The following CFAP54 variants were observed in gnomAD, a reference collection of about 807,000 sequenced individuals.
CFAP54 encodes the protein cilia- and flagella-associated protein 54.
CFAP54 carries 290 observed loss-of-function variants against 370.4 expected under a neutral mutation model. The observed-to-expected ratio is 0.78, with a 90% CI of 0.71 to 0.86. The LOEUF (loss-of-function observed/expected upper bound fraction) is 0.86. CFAP54 is among the 40% of genes least tolerant of loss of function. CFAP54 has a pLI of 0.00. For synonymous variants in CFAP54, 1,206 were observed against 1,236.5 expected (o/e 0.98, Z 0.52); for missense variants, 3,399 against 3,528.7 (o/e 0.96, Z 0.93).
intron 65 of CFAP54, among the ~76,000 whole-genome samples, chr12:96,819,459 G>T (rs757329197): frequency 6.6e-6 from 1 of 152,184 alleles, no homozygotes; most frequent in Non-Finnish European, 1.5e-5. Flanking sequence ...CATGCTGAAA[G>T]CCAGAAATTA....
Position 96,658,069 on chromosome 12 carries a change from T to A in CFAP54, c.5288T>A (p.Leu1763Gln). The A allele has an allele frequency of 6.2e-7, 1 of 1,613,872 alleles. No individual in the cohort carries two copies. Among genetic ancestry groups the A allele is most frequent in the Non-Finnish European group, 8.5e-7 (1 of 1,179,824 alleles). The change falls in exon 37 of 68, where the codon CTA becomes CAA. Residue 1763 changes from leucine to glutamine, a missense_variant. Physicochemically the swap from Leu to Gln is moderately radical, Grantham distance 113 (BLOSUM62 -2). Around this residue, in one of 3 missense-constraint regions of CFAP54, gnomAD observed 2,796 missense variants for 2,869.7 expected, o/e 0.97. Transcript: ENST00000524981. ...VLYQVEKWET[L>Q]VSLAIQFNTV... is the part of the protein sequence containing the mutation. Reference sequence around the variant, plus strand: ...TATCAAGTGGAAAAATGGGAAACACTAGTATCTCTTGCCATTCAGTTCAAT... The same window carrying A: ...TATCAAGTGGAAAAATGGGAAACACAAGTATCTCTTGCCATTCAGTTCAAT...
intron 65 of CFAP54, among the ~76,000 whole-genome samples, chr12:96,827,632 A>AGTGTGCAATTAT (rs761805125): frequency 7.7e-6 from 1 of 130,120 alleles, no homozygotes; most frequent in Non-Finnish European, 1.6e-5. Context: ...GATTATATAT[A>AGTGTGCAATTAT]ATGTGTAATA....
At chr12:96,634,551 C>T (rs932571634) in intron 32 of CFAP54, among the ~76,000 whole-genome samples, 2 of 152,124 alleles carry the variant, frequency 1.3e-5, no homozygotes, top group Non-Finnish European at 2.9e-5. Context: ...GGCTTGTCTT[C>T]TCATCCTCTT....
chr12:96,830,157 A>G (rs963054504), intron 66 of CFAP54, among the ~76,000 whole-genome samples: 1 of 152,118 alleles, frequency 6.6e-6, no homozygotes, highest in African/African-American at 2.4e-5. Flanking sequence ...ACTTTTGGCT[A>G]TTGTAAGTAA....
chr12:96,745,858 C>T (rs1426508334), intron 55 of CFAP54, among the ~76,000 whole-genome samples: 1 of 152,170 alleles, frequency 6.6e-6, no homozygotes, highest in Non-Finnish European at 1.5e-5. Flanking sequence ...CTTGAAGGGA[C>T]AGCATCTTAT....
In CFAP54 at chr12:96,786,542, G is replaced by A. The variant is rs565685591; in HGVS notation, c.8456-133G>A. ...CATTAGTGTATAAGCTCTAAAAACAGAGGGACGTCATTGGCAGCCTCTAGC... is the reference window on the plus strand; with the variant it reads ...CATTAGTGTATAAGCTCTAAAAACAAAGGGACGTCATTGGCAGCCTCTAGC... On this transcript the variant is annotated intron_variant, in intron 61 of 67. Coordinates refer to ENST00000524981, the MANE Select transcript of CFAP54 (RefSeq NM_001306084.2). 1.7e-5 allele frequency: 11 copies of A among 661,692 alleles called. No individual in the cohort carries two copies. The African/African-American group carries it at 1.8e-4, about 11-fold the overall frequency. The allele number at this position is 661,692 out of a possible 1,614,324, so 41.0% of individuals were successfully genotyped here.
chr12:96,637,980 G>T (rs75921312), intron 32 of CFAP54, among the ~76,000 whole-genome samples: 14,864 of 152,028 alleles, frequency 0.098, 901 homozygotes, highest in Middle Eastern at 0.16. Flanking sequence ...TACCATTTAG[G>T]TTTGTGTAAG....
At chr12:96,665,842 C>G (rs1678781827) in intron 39 of CFAP54, among the ~76,000 whole-genome samples, 1 of 152,110 alleles carries the variant, frequency 6.6e-6, no homozygotes, top group Non-Finnish European at 1.5e-5. Flanking sequence ...ATAGGTTTTT[C>G]TTATTCTGTG....
chr12:96,612,411 C>T (rs1956368115), intron 26 of CFAP54, among the ~76,000 whole-genome samples: 1 of 152,144 alleles, frequency 6.6e-6, no homozygotes, highest in Non-Finnish European at 1.5e-5. Flanking sequence ...AAAGGAACAA[C>T]CAGTACCAGC....
rs1957358013 is a variant in CFAP54, at chr12:96,688,938, GA to G, written c.6041del (p.Lys2014ArgfsTer56). On this transcript the variant is annotated frameshift_variant, in exon 43 of 68. Coordinates refer to ENST00000524981, the MANE Select transcript of CFAP54 (RefSeq NM_001306084.2). LOFTEE classifies it high-confidence loss of function. ...TAGATTTATTAAGTCATTGAATGTT[GA>G]AAAGAAAACTGACTGTTGCATTTTG... ...IAQFIKSLNV[E>X]KKTDCCILSA... is the part of the protein sequence containing the mutation. The G allele has an allele frequency of 6.3e-7, 1 of 1,578,436 alleles. No individual in the cohort carries two copies. The highest frequency in any genetic ancestry group is 8.6e-7 in the Non-Finnish European group (1 of 1,166,530).
At chr12:96,678,605 TAATC>T (rs1957237628) in intron 39 of CFAP54, among the ~76,000 whole-genome samples, 1 of 152,188 alleles carries the variant, frequency 6.6e-6, no homozygotes, top group African/African-American at 2.4e-5. Flanking sequence ...TCTTTTGTCC[TAATC>T]AAGTTTTCCC....
chr12:96,807,432 T>C (rs1958893266), intron 63 of CFAP54, among the ~76,000 whole-genome samples: 1 of 152,246 alleles, frequency 6.6e-6, no homozygotes, highest in South Asian at 2.1e-4. Context: ...CTCCACCTAG[T>C]ACAAGAGAGC....
At chr12:96,719,493 C>A (rs1218705835) in intron 49 of CFAP54, among the ~76,000 whole-genome samples, 4 of 152,218 alleles carry the variant, frequency 2.6e-5, no homozygotes, top group African/African-American at 9.6e-5. Flanking sequence ...ATTATCTTCA[C>A]ATTACCAACT....
At chr12:96,754,763 A>G (rs1020532810) in intron 56 of CFAP54, among the ~76,000 whole-genome samples, 1 of 146,034 alleles carries the variant, frequency 6.8e-6, no homozygotes, top group Admixed American at 6.8e-5. Flanking sequence ...TTTTTTTTTG[A>G]GGTGTAGTCT....
Position 96,718,510 on chromosome 12 carries a change from T to C in CFAP54, c.6792T>C (p.Leu2264=). ...NLTKLKDEIT[L]SMLKSMLLME... is the part of the protein sequence containing the mutation. ...CAAAACTTAAAGATGAGATCACTCT[T>C]AGCATGCTAAAGGTAAGTTTGAAAC... Residue 2264 remains leucine, a synonymous_variant, in exon 49 of 68, where the codon CTT becomes CTC. Transcript: ENST00000524981. 6.4e-7 allele frequency: 1 copy of C among 1,563,894 alleles called. No homozygotes were observed. Among genetic ancestry groups the C allele is most frequent in the African/African-American group, 1.4e-5 (1 of 73,862 alleles).
rs370838868 is a variant in CFAP54, at chr12:96,683,151, C to T, written c.5717-1497C>T. On this transcript the variant is annotated intron_variant, in intron 40 of 67. Transcript: ENST00000524981. ...TTTTGAAACAAATTATTATGAAGCTCTAAATATAAAAATAGGGGAGAAATA... is the reference window on the plus strand; with the variant it reads ...TTTTGAAACAAATTATTATGAAGCTTTAAATATAAAAATAGGGGAGAAATA... 2.6e-5 allele frequency among the ~76,000 whole-genome samples: 4 copies of T among 152,014 alleles called. No homozygotes were observed. The South Asian group carries it at 8.3e-4, about 32-fold the overall frequency.
chr12:96,647,666 G>T (rs763494524), intron 33 of CFAP54, among the ~76,000 whole-genome samples: 3 of 151,682 alleles, frequency 2.0e-5, no homozygotes, highest in Non-Finnish European at 4.4e-5. Flanking sequence ...AATATATATT[G>T]ATGTTAAAAT....
In CFAP54 at chr12:96,630,627, T is replaced by C. The variant is rs1282753773; in HGVS notation, c.4292T>C (p.Ile1431Thr). The change falls in exon 32 of 68, where the codon ATT (isoleucine) becomes ACT (threonine). Residue 1431 changes from isoleucine (I) to threonine (T), a missense_variant. This residue lies in a region of CFAP54 where 2,796 missense variants were observed against 2,869.7 expected (regional missense o/e 0.97). Coordinates refer to ENST00000524981, the MANE Select transcript of CFAP54 (RefSeq NM_001306084.2). Reference sequence around the variant, plus strand: ...GATTTCATTTTTAAAAATCCGGCTATTTCTGAAATGGTGGCACATGAAAGG... The same window carrying C: ...GATTTCATTTTTAAAAATCCGGCTACTTCTGAAATGGTGGCACATGAAAGG... ...LRDFIFKNPAISEMVAHERNR... is the reference protein window; with the variant it reads ...LRDFIFKNPATSEMVAHERNR... 1 of 1,498,102 alleles carries C rather than the reference T, an allele frequency of 6.7e-7. No homozygotes were observed. Among genetic ancestry groups the C allele is most frequent in the Non-Finnish European group, 8.8e-7 (1 of 1,130,214 alleles). 92.8% of individuals were successfully genotyped at this position (1,498,102 alleles called of 1,614,324 possible).
rs2136660361 is a variant in CFAP54, at chr12:96,756,561, A to G, written c.7944A>G (p.Ser2648=). The change falls in exon 57 of 68, where the codon TCA becomes TCG. Residue 2648 remains serine, a splice_region_variant and synonymous_variant. Transcript: ENST00000524981. The stretch of plus-strand genomic sequence containing the variant: ...TAAGCCTGAAAAATGATCAAAACTC[A>G]GGGTAAAAAGATATTCCATTGTTGT... ...IQLSLKNDQN[S]GLIRDSYLEM... is the part of the protein sequence containing the mutation. 4 of 1,576,766 alleles carry G rather than the reference A, an allele frequency of 2.5e-6. No individual in the cohort carries two copies. In the East Asian group the frequency reaches 6.7e-5, roughly 27 times the overall value.
Sources: allele counts gnomAD v4.1 joint callset (sites outside exome capture counted in the v4.1 genomes callset), GRCh38; gene constraint gnomAD v4.1.1; regional missense constraint gnomAD v4.1.1; transcripts MANE v1.5; gene names NCBI Gene and HGNC (gene_info 2026-07-23, HGNC 2026-07-21).